PCDHA4: variants seen among roughly 807,000 people sequenced by gnomAD.
PCDHA4 encodes protocadherin alpha 4, also known as protocadherin alpha-4.
A neutral mutation model predicts 61.4 loss-of-function variants in PCDHA4; 49 were observed. That is an observed-to-expected ratio of 0.80 (90% CI 0.63 to 1.01). The LOEUF is 1.01. Among genes scored for constraint, PCDHA4 ranks in the 50% least tolerant of loss-of-function variants. PCDHA4 has a pLI of 0.00. For synonymous variants in PCDHA4, 590 were observed against 550.3 expected (o/e 1.07, Z -1.01); for missense variants, 1,254 against 1,235.8 (o/e 1.01, Z -0.22).
chr5:140,836,479 A>T (rs2150261822), intron 1 of PCDHA4: 2 of 1,613,682 alleles, frequency 1.2e-6, no homozygotes, highest in South Asian at 2.2e-5. Flanking sequence ...GTCAACGTGT[A>T]CCTGATCATC....
intron 1 of PCDHA4, chr5:140,830,264 G>A (rs748242537): frequency 6.2e-7 from 1 of 1,613,678 alleles, no homozygotes; most frequent in Non-Finnish European, 8.5e-7. Context: ...GCGGTGCTCG[G>A]CGCCACCCAC....
chr5:140,896,192 C>G (rs369443676), intron 1 of PCDHA4, among the ~76,000 whole-genome samples: 1 of 152,162 alleles, frequency 6.6e-6, no homozygotes, highest in African/African-American at 2.4e-5. Context: ...TGAATAGTGC[C>G]ATGATGAACA....
Position 140,822,373 on chromosome 5 carries a change from G to C in PCDHA4, c.2385+12801G>C, listed in dbSNP as rs782531661. On this transcript the variant is annotated intron_variant, in intron 1 of 3. Coordinates refer to ENST00000530339, the MANE Select transcript of PCDHA4 (RefSeq NM_018907.4). ...AGAGCTGGTTTTGAGGAAATCCTTA[G>C]ATAGAGAAGAAACACAAGAACACCG... 1 of 1,614,112 alleles carries C rather than the reference G, an allele frequency of 6.2e-7. No individual in the cohort carries two copies. The highest frequency in any genetic ancestry group is 1.7e-5 in the Admixed American group (1 of 60,034).
intron 1 of PCDHA4, among the ~76,000 whole-genome samples, chr5:140,898,214 T>C (rs1285649893): frequency 1.3e-5 from 2 of 152,238 alleles, no homozygotes; most frequent in African/African-American, 4.8e-5. Flanking sequence ...TTTGTCAATT[T>C]TGGCTTTTGT....
intron 1 of PCDHA4, chr5:140,830,082 C>G: frequency 6.2e-7 from 1 of 1,613,566 alleles, no homozygotes; most frequent in Non-Finnish European, 8.5e-7. Context: ...GCGACGGCCA[C>G]GGTTCTGGTG....
rs2150225507 is a variant in PCDHA4 at position 140,834,752 on chromosome 5, G to A, written c.2385+25180G>A. The stretch of plus-strand genomic sequence containing the variant: ...AGGTTTTCCATGTGGACGTGGAGGT[G>A]AAGGACATTAACGACAACCCTCCGG... On this transcript the variant is annotated intron_variant, in intron 1 of 3. Coordinates refer to ENST00000530339, the MANE Select transcript of PCDHA4 (RefSeq NM_018907.4). The A allele has an allele frequency of 1.1e-5, 17 of 1,614,188 alleles. No homozygotes were observed. In the Admixed American group the frequency reaches 2.7e-4, roughly 25 times the overall value.
rs1554204518 is a variant in PCDHA4 at position 140,927,427 on chromosome 5, G to A, written c.2386-51522G>A. Reference sequence around the variant, plus strand: ...CCTGGACATGGGATCGCGGGTTGACGGCAGCGAATACCCGGAGTTGGTGTT... The same window carrying A: ...CCTGGACATGGGATCGCGGGTTGACAGCAGCGAATACCCGGAGTTGGTGTT... On this transcript the variant is annotated intron_variant, in intron 1 of 3. Transcript: ENST00000530339. 1.2e-6 allele frequency: 2 copies of A among 1,614,114 alleles called. No homozygotes were observed. Among genetic ancestry groups the A allele is most frequent in the Non-Finnish European group, 1.7e-6 (2 of 1,179,974 alleles).
At chr5:140,815,836 A>G (rs114688283) in intron 1 of PCDHA4, 1 of 152,148 alleles carries the variant, frequency 6.6e-6, no homozygotes, top group African/African-American at 2.4e-5. Context: ...TTTGAAGACA[A>G]ACTTTGGTGG....
At chr5:140,941,196 TTTCTTC>T (rs1563183935) in intron 1 of PCDHA4, among the ~76,000 whole-genome samples, 3 of 111,280 alleles carry the variant, frequency 2.7e-5, no homozygotes, top group East Asian at 2.3e-4. Context: ...TTTTTTTTTC[TTTCTTC>T]CTTTCTTTCT....
chr5:140,871,371 G>A (rs948553844), intron 1 of PCDHA4: 1 of 1,614,202 alleles, frequency 6.2e-7, no homozygotes, highest in Non-Finnish European at 8.5e-7. Context: ...GGCGGCAGAG[G>A]GTGTGCTCTG....
rs2150363353 is a variant in PCDHA4 at position 140,843,609 on chromosome 5, G to A, written c.2385+34037G>A. The A allele has an allele frequency of 1.3e-6, 2 of 1,596,016 alleles. No homozygotes were observed. Among genetic ancestry groups the A allele is most frequent in the Non-Finnish European group, 1.7e-6 (2 of 1,165,520 alleles). ...CCGCAGAGGGTGTGCTCTGGTGAGGGGCCACCGAAGACGGACCTCATGGCC... is the reference window on the plus strand; with the variant it reads ...CCGCAGAGGGTGTGCTCTGGTGAGGAGCCACCGAAGACGGACCTCATGGCC... On this transcript the variant is annotated intron_variant, in intron 1 of 3. Transcript: ENST00000530339.
At chr5:140,940,566 G>T (rs1226026261) in intron 1 of PCDHA4, among the ~76,000 whole-genome samples, 1 of 151,754 alleles carries the variant, frequency 6.6e-6, no homozygotes, top group African/African-American at 2.4e-5. Flanking sequence ...CTCCTACCTT[G>T]GCTCCCAAAG....
chr5:140,911,165 G>A (rs931843921), intron 1 of PCDHA4, among the ~76,000 whole-genome samples: 3 of 152,178 alleles, frequency 2.0e-5, no homozygotes, highest in Non-Finnish European at 4.4e-5. Context: ...AATGTGGAAA[G>A]GCTGATGGCA....
At chr5:140,920,093 T>C (rs1289681170) in intron 1 of PCDHA4, among the ~76,000 whole-genome samples, 1 of 152,176 alleles carries the variant, frequency 6.6e-6, no homozygotes, top group African/African-American at 2.4e-5. Flanking sequence ...GTAGAGCCTC[T>C]AAAGGGAGTG....
chr5:140,922,577 T>A (rs155818), intron 1 of PCDHA4, among the ~76,000 whole-genome samples: 2 of 152,016 alleles, frequency 1.3e-5, no homozygotes, highest in East Asian at 1.9e-4. Flanking sequence ...AGTTGCCCTG[T>A]AGCCGCCAGT....
intron 1 of PCDHA4, among the ~76,000 whole-genome samples, chr5:140,941,202 CCTTTCTTTCTTCCTTTCTTT>C (rs1442425625): frequency 7.3e-5 from 9 of 122,742 alleles, no homozygotes; most frequent in Non-Finnish European, 1.3e-4. Context: ...TTTCTTTCTT[CCTTTCTTTCTTCCTTTCTTT>C]CTTTCTTTCT....
chr5:141,003,574 A>C (rs559561339), intron 3 of PCDHA4, among the ~76,000 whole-genome samples: 9 of 151,680 alleles, frequency 5.9e-5, no homozygotes, highest in African/African-American at 2.2e-4. Context: ...CAGACTCCCA[A>C]AGTGCTGGGA....
chr5:141,005,737 G>A (rs568489145), intron 3 of PCDHA4, among the ~76,000 whole-genome samples: 173 of 143,620 alleles, frequency 1.2e-3, no homozygotes, highest in African/African-American at 4.5e-3. Flanking sequence ...AAAAAGAATG[G>A]ATGAGAAATC....
chr5:140,909,769 C>T (rs1213208977), intron 1 of PCDHA4, among the ~76,000 whole-genome samples: 2 of 152,104 alleles, frequency 1.3e-5, no homozygotes, highest in Non-Finnish European at 2.9e-5. Flanking sequence ...AGTCCAGGGA[C>T]CCACTGGACC....
Sources: gnomAD v4.1 joint callset for allele counts (sites outside exome capture counted in the v4.1 genomes callset) on GRCh38, gnomAD v4.1.1 for gene constraint, MANE v1.5 for transcripts, NCBI Gene and HGNC (gene_info 2026-07-23, HGNC 2026-07-21) for gene names.